MICAL3: variants seen among roughly 807,000 people sequenced by gnomAD.
The protein encoded by MICAL3 is microtubule associated monooxygenase, calponin and LIM domain containing 3, also known as [F-actin]-monooxygenase MICAL3.
Under a neutral mutation model 207.4 loss-of-function variants are expected in MICAL3, and 62 were observed. The ratio of observed to expected loss-of-function variants is 0.30; its 90% CI spans 0.24 to 0.37. The LOEUF (loss-of-function observed/expected upper bound fraction) is 0.37, where lower values mean the gene tolerates loss of function less well. Ranked by LOEUF, MICAL3 falls within the 10% of genes least tolerant of loss-of-function variation. The pLI, the probability that MICAL3 is intolerant of heterozygous loss-of-function variation, is 1.00. For synonymous variants in MICAL3, 1,077 were observed against 1,069.3 expected (o/e 1.01, Z -0.14); for missense variants, 2,368 against 2,635.6 (o/e 0.90, Z 2.22).
At chr22:17,969,519 T>C (rs781439792) in intron 1 of MICAL3, among the ~76,000 whole-genome samples, 8 of 152,170 alleles carry the variant, frequency 5.3e-5, no homozygotes, top group Non-Finnish European at 1.2e-4. Flanking sequence ...GCAAGACACA[T>C]GCTTTTTTTT....
intron 20 of MICAL3, among the ~76,000 whole-genome samples, chr22:17,837,087 C>A (rs1054481536): frequency 1.3e-5 from 2 of 152,244 alleles, no homozygotes; most frequent in Non-Finnish European, 2.9e-5. Context: ...CAAACCCTCT[C>A]CTGCTGAGGA....
intron 1 of MICAL3, among the ~76,000 whole-genome samples, chr22:17,928,708 C>A (rs1036567453): frequency 6.6e-6 from 1 of 152,198 alleles, no homozygotes; most frequent in Non-Finnish European, 1.5e-5. Flanking sequence ...CATACCGTGG[C>A]TTTATATATT....
intron 8 of MICAL3, 79 bp downstream of exon 8, chr22:17,896,645 T>A: frequency 2.0e-6 from 3 of 1,469,958 alleles, no homozygotes; most frequent in Admixed American, 3.6e-5. Context: ...CAGACGCTCA[T>A]TCCAAGACCC....
At chr22:17,992,873 C>T (rs1287806105) in intron 1 of MICAL3, among the ~76,000 whole-genome samples, 1 of 152,102 alleles carries the variant, frequency 6.6e-6, no homozygotes, top group Non-Finnish European at 1.5e-5. Flanking sequence ...GAACAGCTTC[C>T]CTGCTGTAAA....
At chr22:17,895,133 ACTT>A in intron 10 of MICAL3, 148 bp downstream of exon 10, 1 of 746,820 alleles carries the variant, frequency 1.3e-6, no homozygotes, top group Non-Finnish European at 2.2e-6. Context: ...AATGCTATCT[ACTT>A]CTACCAATTC....
intron 19 of MICAL3, among the ~76,000 whole-genome samples, chr22:17,845,802 A>G (rs1284279647): frequency 6.6e-6 from 1 of 152,106 alleles, no homozygotes; most frequent in Non-Finnish European, 1.5e-5. Flanking sequence ...CATCTTCACC[A>G]TTGTCTCCTC....
intron 1 of MICAL3, among the ~76,000 whole-genome samples, chr22:17,998,924 A>G (rs1922623139): frequency 6.6e-6 from 1 of 152,074 alleles, no homozygotes; most frequent in South Asian, 2.1e-4. Context: ...GATGGCTCTT[A>G]TTTTTTCTAG....
chr22:17,892,714 G>A (rs961303020), intron 11 of MICAL3, among the ~76,000 whole-genome samples: 1 of 152,190 alleles, frequency 6.6e-6, no homozygotes, highest in Non-Finnish European at 1.5e-5. Flanking sequence ...TCAAAGAGAA[G>A]ACGCTCCAGT....
At chr22:17,882,308 C>T (rs1256075515) in intron 16 of MICAL3, among the ~76,000 whole-genome samples, 4 of 152,220 alleles carry the variant, frequency 2.6e-5, no homozygotes, top group Admixed American at 1.3e-4. Flanking sequence ...TAGGCTGAGG[C>T]GGGCCCTTCT....
At chr22:17,874,130 A>G (rs1427986625) in intron 16 of MICAL3, among the ~76,000 whole-genome samples, 1 of 152,248 alleles carries the variant, frequency 6.6e-6, no homozygotes, top group Non-Finnish European at 1.5e-5. Flanking sequence ...CTTGTGGCTC[A>G]GCTCAAGGCT....
chr22:17,801,619 C>T (rs538530843), intron 29 of MICAL3, among the ~76,000 whole-genome samples: 50 of 151,396 alleles, frequency 3.3e-4, no homozygotes, highest in Non-Finnish European at 5.9e-4. Flanking sequence ...GCGGGCTGGG[C>T]GCGGTGGCTC....
At chr22:18,002,993 A>G (rs1289559045) in intron 1 of MICAL3, among the ~76,000 whole-genome samples, 3 of 151,948 alleles carry the variant, frequency 2.0e-5, no homozygotes, top group African/African-American at 7.3e-5. Flanking sequence ...CATCTCTACT[A>G]AAGATACAAA....
At chr22:17,849,309 C>CT (rs1924983231) in intron 19 of MICAL3, among the ~76,000 whole-genome samples, 1 of 152,172 alleles carries the variant, frequency 6.6e-6, no homozygotes, top group Admixed American at 6.5e-5. Flanking sequence ...ACCCTAGTCT[C>CT]TAAGAGTCCT....
chr22:17,791,842 C>T (rs561461716), intron 29 of MICAL3, among the ~76,000 whole-genome samples: 11 of 152,240 alleles, frequency 7.2e-5, no homozygotes, highest in African/African-American at 2.7e-4. Flanking sequence ...AAGATACCAC[C>T]CCTTAACTTG....
intron 11 of MICAL3, among the ~76,000 whole-genome samples, chr22:17,893,556 A>T (rs748176973): frequency 2.6e-5 from 4 of 152,074 alleles, no homozygotes; most frequent in Non-Finnish European, 4.4e-5. Context: ...CGTGTGGTGG[A>T]GGCCTGTCTC....
chr22:17,862,680 C>A, intron 19 of MICAL3: 1 of 985,374 alleles, frequency 1.0e-6, no homozygotes, highest in Non-Finnish European at 1.2e-6. Flanking sequence ...TTCATGCCAG[C>A]CATAAAATAC....
chr22:17,908,771 T>C (rs539918424), intron 1 of MICAL3, among the ~76,000 whole-genome samples: 1 of 152,006 alleles, frequency 6.6e-6, no homozygotes, highest in East Asian at 1.9e-4. Flanking sequence ...ACCCTTGGGG[T>C]TGGGTGCAGA....
chr22:17,929,869 C>G (rs1181844178), intron 1 of MICAL3, among the ~76,000 whole-genome samples: 5 of 152,128 alleles, frequency 3.3e-5, no homozygotes, highest in Non-Finnish European at 7.4e-5. Flanking sequence ...CGCCCGGCCT[C>G]TATGCTCCAT....
At chr22:18,011,619 C>G (rs1028874627) in intron 1 of MICAL3, among the ~76,000 whole-genome samples, 2 of 151,098 alleles carry the variant, frequency 1.3e-5, no homozygotes, top group African/African-American at 4.9e-5. Context: ...ACCTGTAATC[C>G]CAGCACTTTG....
Sources: allele counts gnomAD v4.1 joint callset (sites outside exome capture counted in the v4.1 genomes callset), GRCh38; gene constraint gnomAD v4.1.1; transcripts MANE v1.5; gene names NCBI Gene and HGNC (gene_info 2026-07-23, HGNC 2026-07-21).